RIMS1: variants seen among roughly 807,000 people sequenced by gnomAD.
RIMS1 encodes the protein regulating synaptic membrane exocytosis protein 1.
RIMS1 carries 83 observed loss-of-function variants against 214.1 expected under a neutral mutation model. The observed-to-expected ratio is 0.39, with a 90% CI of 0.32 to 0.47. The LOEUF is 0.47. Among genes scored for constraint, RIMS1 ranks in the 20% least tolerant of loss-of-function variants. The pLI is 0.99. For synonymous variants in RIMS1, 793 were observed against 786.8 expected (o/e 1.01, Z -0.13); for missense variants, 2,050 against 2,161.8 (o/e 0.95, Z 1.03).
intron 2 of RIMS1, among the ~76,000 whole-genome samples, chr6:72,093,533 G>A (rs915399493): frequency 5.3e-5 from 8 of 151,378 alleles, no homozygotes; most frequent in African/African-American, 1.9e-4. Flanking sequence ...AACATTCTGT[G>A]CCTTTATATT....
intron 4 of RIMS1, among the ~76,000 whole-genome samples, chr6:72,153,044 G>GTA (rs1562443235): frequency 1.5e-5 from 2 of 133,788 alleles, no homozygotes; most frequent in South Asian, 2.2e-4. Context: ...GTGTGTGTGT[G>GTA]TATATATATG....
In RIMS1 at chr6:72,290,920, T is replaced by G. The variant is rs540411208; in HGVS notation, c.3737+59T>G. On this transcript the variant is annotated intron_variant, in intron 25 of 33. Transcript: ENST00000521978. The stretch of plus-strand genomic sequence containing the variant: ...CCTGCCTCCGGGTGTTGGTGTGGTG[T>G]TGTACCTTCCTGAGCACTTGAAGCT... 3.4e-5 allele frequency: 51 copies of G among 1,519,844 alleles called. No homozygotes were observed. In the African/African-American group the frequency reaches 3.8e-4, roughly 11 times the overall value. 94.1% of individuals were successfully genotyped at this position (1,519,844 alleles called of 1,614,324 possible). A position where few individuals can be genotyped will look rare whatever the true frequency, so the allele number is the denominator to read the frequency against.
At chr6:72,128,170 A>G (rs1009891221) in intron 4 of RIMS1, among the ~76,000 whole-genome samples, 1 of 152,210 alleles carries the variant, frequency 6.6e-6, no homozygotes, top group African/African-American at 2.4e-5. Flanking sequence ...ATTGCATTTC[A>G]AACAGATGGC....
intron 1 of RIMS1, among the ~76,000 whole-genome samples, chr6:71,958,484 A>G (rs1273435329): frequency 6.6e-6 from 1 of 152,126 alleles, no homozygotes; most frequent in Non-Finnish European, 1.5e-5. Context: ...AGTTCATTAC[A>G]TTTGAGTTTT....
intron 4 of RIMS1, among the ~76,000 whole-genome samples, chr6:72,100,281 C>T (rs563694152): frequency 6.6e-6 from 1 of 152,118 alleles, no homozygotes; most frequent in African/African-American, 2.4e-5. Flanking sequence ...ATTATTCCAA[C>T]TGCTTTCAGA....
At chr6:72,207,280 T>C (rs370382100) in intron 6 of RIMS1, among the ~76,000 whole-genome samples, 9 of 152,218 alleles carry the variant, frequency 5.9e-5, no homozygotes, top group Admixed American at 3.3e-4. Flanking sequence ...TACATATAAA[T>C]AGAAAAGTAG....
At chr6:71,974,744 G>T (rs1562006274) in intron 2 of RIMS1, among the ~76,000 whole-genome samples, 1 of 152,158 alleles carries the variant, frequency 6.6e-6, no homozygotes, top group South Asian at 2.1e-4. Context: ...AGGCACTAAG[G>T]CAGGTTTACA....
intron 4 of RIMS1, among the ~76,000 whole-genome samples, chr6:72,126,095 A>C (rs1168393110): frequency 1.3e-5 from 2 of 152,132 alleles, no homozygotes. Context: ...TGCAGACCAG[A>C]GTTGTTCCTA....
chr6:72,286,798 T>A (rs149567905), intron 24 of RIMS1, among the ~76,000 whole-genome samples: 69 of 152,308 alleles, frequency 4.5e-4, no homozygotes, highest in African/African-American at 1.6e-3. Flanking sequence ...AAAGGAGTCA[T>A]ACTACACAGT....
At chr6:72,054,355 C>T (rs891622473) in intron 2 of RIMS1, among the ~76,000 whole-genome samples, 73 of 152,024 alleles carry the variant, frequency 4.8e-4, no homozygotes, top group African/African-American at 1.7e-3. Flanking sequence ...GGTTCCATGT[C>T]TTTGTATTGT....
chr6:72,182,206 C>T, intron 5 of RIMS1, 78 bp from the exon 6 acceptor site: 2 of 1,408,462 alleles, frequency 1.4e-6, no homozygotes, highest in Non-Finnish European at 1.9e-6. Context: ...TGATTTAAGA[C>T]TGGAATGAGA....
chr6:71,925,786 A>G (rs537405144), intron 1 of RIMS1, among the ~76,000 whole-genome samples: 5 of 152,240 alleles, frequency 3.3e-5, no homozygotes, highest in African/African-American at 1.2e-4. Flanking sequence ...AAAAACTTTC[A>G]AAACTAAGGA....
chr6:71,992,963 T>C lies in RIMS1; in HGVS notation c.245+23900T>C, dbSNP rs576801952. 2.1e-3 allele frequency among the ~76,000 whole-genome samples: 323 copies of C among 152,324 alleles called. 1 individual carries two copies. The highest frequency in any genetic ancestry group is 0.014 in the South Asian group (70 of 4,828). On this transcript the variant is annotated intron_variant, in intron 2 of 33. Coordinates refer to ENST00000521978, the MANE Select transcript of RIMS1 (RefSeq NM_014989.7). ...GGTGTGAGCCACCATGTCTGGCCTT[T>C]GTCTTTTTTAATTTTCAAATAATCA... is the stretch of plus-strand genomic sequence containing the variant.
At chr6:72,352,669 G>A (rs1174454710) in intron 29 of RIMS1, among the ~76,000 whole-genome samples, 2 of 152,098 alleles carry the variant, frequency 1.3e-5, no homozygotes, top group African/African-American at 4.8e-5. Flanking sequence ...TACATGTTAT[G>A]CATTTTTGTC....
At chr6:72,118,086 G>T (rs772657483) in intron 4 of RIMS1, among the ~76,000 whole-genome samples, 1 of 148,284 alleles carries the variant, frequency 6.7e-6, no homozygotes, top group Non-Finnish European at 1.5e-5. Flanking sequence ...AAACAAAACT[G>T]GAGATATTAT....
At chr6:71,994,459 A>AAGAC (rs1562056225) in intron 2 of RIMS1, among the ~76,000 whole-genome samples, 1 of 152,186 alleles carries the variant, frequency 6.6e-6, no homozygotes. Context: ...CATAAAACAT[A>AAGAC]AGACACAGCA....
chr6:72,275,368 G>A (rs115066312), intron 23 of RIMS1, among the ~76,000 whole-genome samples: 2,850 of 151,534 alleles, frequency 0.019, 114 homozygotes, highest in African/African-American at 0.066. Flanking sequence ...TTTAGTGTGT[G>A]TGCGTACGGC....
chr6:72,074,724 T>C (rs1461143226), intron 2 of RIMS1, among the ~76,000 whole-genome samples: 1 of 152,140 alleles, frequency 6.6e-6, no homozygotes, highest in Non-Finnish European at 1.5e-5. Context: ...CAGGGAAGTA[T>C]CTTGAAGATG....
chr6:72,023,106 A>C (rs189083389), intron 2 of RIMS1, among the ~76,000 whole-genome samples: 1 of 152,158 alleles, frequency 6.6e-6, no homozygotes, highest in Non-Finnish European at 1.5e-5. Context: ...TGCTTTCTAC[A>C]GAGAAATTCA....
Sources: gnomAD v4.1 joint callset for allele counts (sites outside exome capture counted in the v4.1 genomes callset) on GRCh38, gnomAD v4.1.1 for gene constraint, MANE v1.5 for transcripts, NCBI Gene and HGNC (gene_info 2026-07-23, HGNC 2026-07-21) for gene names.